RERE: variants seen among roughly 807,000 people sequenced by gnomAD.
RERE encodes arginine-glutamic acid dipeptide repeats, also known as arginine-glutamic acid dipeptide repeats protein.
Under a neutral mutation model 146.1 loss-of-function variants are expected in RERE, and 40 were observed. The observed-to-expected ratio is 0.27, with a 90% CI of 0.21 to 0.36. The LOEUF is 0.36. RERE is among the 10% of genes least tolerant of loss of function. RERE has a pLI of 1.00. For synonymous variants in RERE, 1,003 were observed against 866.0 expected (o/e 1.16, Z -2.78); for missense variants, 1,933 against 2,138.7 (o/e 0.90, Z 1.90).
At chr1:8,614,392 A>AG (rs1490939580) in intron 4 of RERE, among the ~76,000 whole-genome samples, 169 bp downstream of exon 4, 4 of 152,154 alleles carry the variant, frequency 2.6e-5, no homozygotes, top group African/African-American at 9.7e-5. Context: ...TAGAGGGGTA[A>AG]GGCAAGTCCC....
chr1:8,359,669 C>T, intron 19 of RERE, 95 bp downstream of exon 19: 2 of 1,378,286 alleles, frequency 1.5e-6, no homozygotes, highest in Non-Finnish European at 2.0e-6. Context: ...GAGGCCGAGT[C>T]AGGCAGCCAA....
At chr1:8,470,851 GCT>G (rs1644674785) in intron 10 of RERE, among the ~76,000 whole-genome samples, 1 of 101,966 alleles carries the variant, frequency 9.8e-6, no homozygotes, top group African/African-American at 4.0e-5. Flanking sequence ...ACAGAGTCTC[GCT>G]CTGTCACCAG....
chr1:8,382,376 C>G (rs1324667504), intron 12 of RERE, among the ~76,000 whole-genome samples: 1 of 152,262 alleles, frequency 6.6e-6, no homozygotes, highest in Non-Finnish European at 1.5e-5. Flanking sequence ...AGGTGGCACT[C>G]TCAGCTGCCT....
intron 1 of RERE, among the ~76,000 whole-genome samples, chr1:8,765,672 T>C (rs1640832477): frequency 6.6e-6 from 1 of 151,992 alleles, no homozygotes; most frequent in Non-Finnish European, 1.5e-5. Context: ...TACAAAATTA[T>C]GCCAGGCGAG....
chr1:8,571,084 C>A (rs954093253), intron 4 of RERE, among the ~76,000 whole-genome samples: 1 of 152,142 alleles, frequency 6.6e-6, no homozygotes, highest in Admixed American at 6.5e-5. Context: ...TTTAAAACAA[C>A]GGTGAACCCT....
intron 1 of RERE, among the ~76,000 whole-genome samples, chr1:8,663,820 C>T (rs1638509943): frequency 6.6e-6 from 1 of 152,134 alleles, no homozygotes; most frequent in Non-Finnish European, 1.5e-5. Flanking sequence ...CTCCTGCATG[C>T]TCCTCCTGCT....
At chr1:8,518,730 GC>G (rs1645453081) in intron 7 of RERE, among the ~76,000 whole-genome samples, 3 of 152,154 alleles carry the variant, frequency 2.0e-5, no homozygotes. Context: ...CTTCAAAGCT[GC>G]CCTGAACAAG....
chr1:8,740,056 A>G (rs925431735), intron 1 of RERE, among the ~76,000 whole-genome samples: 4 of 151,720 alleles, frequency 2.6e-5, no homozygotes, highest in African/African-American at 9.7e-5. Flanking sequence ...TCAGCTCTCA[A>G]CTCTCTTGCT....
At chr1:8,510,538 G>C (rs1488784531) in intron 7 of RERE, among the ~76,000 whole-genome samples, 2 of 152,190 alleles carry the variant, frequency 1.3e-5, no homozygotes, top group Non-Finnish European at 2.9e-5. Context: ...AGCTGTTTTA[G>C]GAGGTATGTA....
intron 1 of RERE, among the ~76,000 whole-genome samples, chr1:8,797,006 C>G (rs1641488184): frequency 6.6e-6 from 1 of 152,098 alleles, no homozygotes; most frequent in South Asian, 2.1e-4. Flanking sequence ...CCATGGGCAA[C>G]AGACAAGGGC....
At chr1:8,532,007 A>T (rs1011110171) in intron 7 of RERE, among the ~76,000 whole-genome samples, 1 of 152,242 alleles carries the variant, frequency 6.6e-6, no homozygotes, top group Non-Finnish European at 1.5e-5. Context: ...TCTATAATGC[A>T]TTGTATGCCT....
At chr1:8,441,501 C>T (rs529046590) in intron 11 of RERE, among the ~76,000 whole-genome samples, 11 of 152,346 alleles carry the variant, frequency 7.2e-5, no homozygotes, top group African/African-American at 2.4e-4. Flanking sequence ...CTGGTGCTGA[C>T]ACAGTGCCTA....
At chr1:8,440,744 A>T (rs911812495) in intron 11 of RERE, among the ~76,000 whole-genome samples, 2 of 148,722 alleles carry the variant, frequency 1.3e-5, no homozygotes, top group African/African-American at 5.0e-5. Context: ...AAAAAAAAAA[A>T]AATTAGCTGG....
At chr1:8,524,979 G>A (rs1370897402) in intron 7 of RERE, among the ~76,000 whole-genome samples, 2 of 152,132 alleles carry the variant, frequency 1.3e-5, no homozygotes, top group African/African-American at 2.4e-5. Flanking sequence ...AATGCTATCC[G>A]ATTCTAAAAC....
At chr1:8,686,891 G>C (rs1166054848) in intron 1 of RERE, among the ~76,000 whole-genome samples, 1 of 152,190 alleles carries the variant, frequency 6.6e-6, no homozygotes, top group Non-Finnish European at 1.5e-5. Flanking sequence ...GTGAGCTACA[G>C]ATATTTGGAG....
At chr1:8,663,805 C>T (rs1208137106) in intron 1 of RERE, among the ~76,000 whole-genome samples, 4 of 152,130 alleles carry the variant, frequency 2.6e-5, no homozygotes, top group Non-Finnish European at 4.4e-5. Flanking sequence ...CTTCCACCTC[C>T]ACCCCTCCTG....
intron 10 of RERE, among the ~76,000 whole-genome samples, chr1:8,479,435 ATG>A (rs1222114977): frequency 6.6e-6 from 1 of 152,154 alleles, no homozygotes; most frequent in Non-Finnish European, 1.5e-5. Context: ...GAACCTATGA[ATG>A]TGACCTTATT....
At chr1:8,711,127 A>T (rs1639658333) in intron 1 of RERE, among the ~76,000 whole-genome samples, 1 of 124,244 alleles carries the variant, frequency 8.0e-6, no homozygotes, top group Non-Finnish European at 1.6e-5. Flanking sequence ...ACTGCACTCC[A>T]GCCTGGGTGA....
intron 2 of RERE, among the ~76,000 whole-genome samples, chr1:8,640,511 G>T (rs919056824): frequency 1.1e-4 from 17 of 152,284 alleles, no homozygotes; most frequent in African/African-American, 4.1e-4. Flanking sequence ...ACTGAATAGG[G>T]AAATCTAGAG....
Sources: allele counts gnomAD v4.1 joint callset (sites outside exome capture counted in the v4.1 genomes callset), GRCh38; gene constraint gnomAD v4.1.1; transcripts MANE v1.5; gene names NCBI Gene and HGNC (gene_info 2026-07-23, HGNC 2026-07-21).